The following ITGA9 variants were observed in gnomAD, a reference collection of about 807,000 sequenced individuals.
ITGA9 encodes the protein integrin alpha-9.
ITGA9 carries 56 observed loss-of-function variants against 127.8 expected under a neutral mutation model. The ratio of observed to expected loss-of-function variants is 0.44; its 90% CI spans 0.35 to 0.55. The LOEUF is 0.55. ITGA9 is among the 20% of genes least tolerant of loss of function. ITGA9 has a pLI of 0.00. For synonymous variants in ITGA9, 508 were observed against 514.5 expected, an observed-to-expected ratio of 0.99 and a Z score of 0.17; for missense variants, 1,196 against 1,347.1, an observed-to-expected ratio of 0.89 and a Z score of 1.76.
chr3:37,585,752 T>C (rs1699753500), intron 15 of ITGA9: 15 of 417,220 alleles, frequency 3.6e-5, no homozygotes, highest in South Asian at 2.6e-4. Flanking sequence ...TATGCCTGAC[T>C]CCATAGAGCA....
At chr3:37,771,767 C>T (rs1184515261) in intron 23 of ITGA9, among the ~76,000 whole-genome samples, 1 of 152,172 alleles carries the variant, frequency 6.6e-6, no homozygotes, top group Non-Finnish European at 1.5e-5. Flanking sequence ...TCTTCTCAGT[C>T]AGCAGGCACT....
chr3:37,792,446 C>T (rs1697123304), intron 26 of ITGA9, among the ~76,000 whole-genome samples: 1 of 152,178 alleles, frequency 6.6e-6, no homozygotes. Context: ...TACAAGGAAG[C>T]TGAGACTGGC....
chr3:37,560,345 C>T (rs1486338411), intron 15 of ITGA9, among the ~76,000 whole-genome samples: 1 of 152,208 alleles, frequency 6.6e-6, no homozygotes, highest in Admixed American at 6.5e-5. Context: ...TTAATCCAGT[C>T]TATCATTGAT....
intron 22 of ITGA9, chr3:37,749,022 A>G: frequency 2.3e-6 from 1 of 437,576 alleles, no homozygotes; most frequent in Non-Finnish European, 4.0e-6. Flanking sequence ...GTAACAAATT[A>G]CTACAACATT....
intron 15 of ITGA9, among the ~76,000 whole-genome samples, chr3:37,566,311 A>T (rs1052780515): frequency 2.0e-5 from 3 of 152,196 alleles, no homozygotes; most frequent in African/African-American, 7.2e-5. Flanking sequence ...GATGTGCCGG[A>T]CAAAGGTGTG....
intron 15 of ITGA9, among the ~76,000 whole-genome samples, chr3:37,628,935 A>G (rs1003141316): frequency 1.3e-5 from 2 of 152,188 alleles, no homozygotes; most frequent in Admixed American, 1.3e-4. Flanking sequence ...TCAAGAGAAG[A>G]TGATTTAGCA....
chr3:37,803,478 C>T (rs1044359034), intron 26 of ITGA9, among the ~76,000 whole-genome samples: 3 of 152,208 alleles, frequency 2.0e-5, no homozygotes, highest in African/African-American at 2.4e-5. Context: ...TCATGCTCTG[C>T]GCACTTCTGT....
At chr3:37,724,762 T>G (rs9311165) in intron 18 of ITGA9, among the ~76,000 whole-genome samples, 8,577 of 152,220 alleles carry the variant, frequency 0.056, 710 homozygotes, top group African/African-American at 0.18. Flanking sequence ...CCTCCCAAAT[T>G]GCTGGGATTA....
chr3:37,664,809 TATC>T (rs1187687504), intron 17 of ITGA9, among the ~76,000 whole-genome samples: 1 of 152,068 alleles, frequency 6.6e-6, no homozygotes, highest in African/African-American at 2.4e-5. Flanking sequence ...TAAAATGTAA[TATC>T]ATCACTATTA....
intron 15 of ITGA9, among the ~76,000 whole-genome samples, chr3:37,614,761 CTGTT>C (rs1385185607): frequency 1.3e-5 from 2 of 151,926 alleles, no homozygotes; most frequent in East Asian, 1.9e-4. Flanking sequence ...ATTTGGCTCT[CTGTT>C]TGTCTGTTAT....
At chr3:37,669,302 C>T (rs544958123) in intron 17 of ITGA9, among the ~76,000 whole-genome samples, 5 of 152,322 alleles carry the variant, frequency 3.3e-5, no homozygotes, top group African/African-American at 1.2e-4. Context: ...TAGCCAATGG[C>T]TGGCTGATTT....
chr3:37,678,175 TGGG>T (rs1700700985), intron 17 of ITGA9, among the ~76,000 whole-genome samples: 3 of 152,210 alleles, frequency 2.0e-5, no homozygotes, highest in South Asian at 4.1e-4. Flanking sequence ...TTCAGTTCAT[TGGG>T]TAATAAACCC....
At chr3:37,481,383 T>G (rs1437568181) in intron 3 of ITGA9, 101 bp from the exon 4 acceptor site, 8 of 1,504,922 alleles carry the variant, frequency 5.3e-6, no homozygotes, top group Non-Finnish European at 7.4e-6. Flanking sequence ...CCTCTGCTCC[T>G]CTCTTCTCCC....
chr3:37,782,968 T>C (rs1696994766), intron 25 of ITGA9, among the ~76,000 whole-genome samples: 1 of 152,092 alleles, frequency 6.6e-6, no homozygotes, highest in South Asian at 2.1e-4. Context: ...TGAAACCCCA[T>C]CTCTACTAAA....
intron 18 of ITGA9, among the ~76,000 whole-genome samples, chr3:37,713,926 G>T (rs183584045): frequency 6.6e-6 from 1 of 152,200 alleles, no homozygotes. Flanking sequence ...GGTTTAAAAG[G>T]CTGCATGCAA....
chr3:37,668,451 C>T (rs1248687838), intron 17 of ITGA9, among the ~76,000 whole-genome samples: 3 of 152,154 alleles, frequency 2.0e-5, no homozygotes, highest in East Asian at 1.9e-4. Flanking sequence ...TGTGACTGGA[C>T]GCAAGGAAAG....
intron 15 of ITGA9, among the ~76,000 whole-genome samples, chr3:37,592,237 C>A (rs546694014): frequency 6.6e-6 from 1 of 152,326 alleles, no homozygotes; most frequent in South Asian, 2.1e-4. Context: ...ACTGCTGCAA[C>A]AAACCCTCAG....
chr3:37,715,604 G>A (rs9841848), intron 18 of ITGA9, among the ~76,000 whole-genome samples: 10,934 of 152,236 alleles, frequency 0.072, 1,172 homozygotes, highest in African/African-American at 0.24. Context: ...TGTTTAAGGG[G>A]CACTTAAGTG....
chr3:37,487,963 A>C (rs1698627741), intron 4 of ITGA9, among the ~76,000 whole-genome samples: 1 of 152,224 alleles, frequency 6.6e-6, no homozygotes, highest in African/African-American at 2.4e-5. Flanking sequence ...CAGAGGGCAG[A>C]CGTGGGTCCT....
Sources: gnomAD v4.1 joint callset for allele counts (sites outside exome capture counted in the v4.1 genomes callset) on GRCh38, gnomAD v4.1.1 for gene constraint, MANE v1.5 for transcripts, NCBI Gene and HGNC (gene_info 2026-07-23, HGNC 2026-07-21) for gene names.